NRXN3: variants seen among roughly 807,000 people sequenced by gnomAD.
NRXN3 encodes the protein neurexin III.
A neutral mutation model predicts 137.6 loss-of-function variants in NRXN3; 32 were observed. The observed-to-expected ratio is 0.23, with a 90% CI of 0.18 to 0.31. NRXN3 has a LOEUF of 0.31. NRXN3 is among the 10% of genes least tolerant of loss of function. The pLI is 1.00. For missense variants in NRXN3, 1,574 were observed against 2,062.5 expected (o/e 0.76, Z 4.59); for synonymous variants, 798 against 784.5 (o/e 1.02, Z -0.29).
At chr14:78,268,613 A>G (rs529456496) in intron 2 of NRXN3, among the ~76,000 whole-genome samples, 38 of 152,348 alleles carry the variant, frequency 2.5e-4, no homozygotes, top group Non-Finnish European at 4.0e-4. Flanking sequence ...GAAGTATGGT[A>G]CTGTGGGAAG....
intron 16 of NRXN3, among the ~76,000 whole-genome samples, chr14:79,524,505 TAAAG>T (rs1356238107): frequency 6.6e-6 from 1 of 152,096 alleles, no homozygotes. Context: ...TGATCGACAA[TAAAG>T]AAATCAAAGA....
intron 10 of NRXN3, among the ~76,000 whole-genome samples, chr14:78,917,360 T>C (rs925621727): frequency 3.3e-5 from 5 of 152,180 alleles, no homozygotes; most frequent in African/African-American, 1.2e-4. Context: ...TATTGGATAC[T>C]AGGGTTATTA....
At chr14:78,953,743 A>G (rs1174153259) in intron 10 of NRXN3, among the ~76,000 whole-genome samples, 2 of 147,808 alleles carry the variant, frequency 1.4e-5, no homozygotes, top group Admixed American at 6.6e-5. Flanking sequence ...CAGCCTCAAG[A>G]GAATCAAAGG....
intron 15 of NRXN3, among the ~76,000 whole-genome samples, chr14:79,084,579 G>T (rs1467178495): frequency 6.6e-6 from 1 of 151,942 alleles, no homozygotes; most frequent in Non-Finnish European, 1.5e-5. Flanking sequence ...ATCATCTATG[G>T]CTTCTTCATT....
In NRXN3 at chr14:79,051,651, A is replaced by C. The variant is rs2099642081; in HGVS notation, c.3262+63510A>C. Among the ~76,000 whole-genome samples the C allele has an allele frequency of 1.3e-5, 2 of 152,232 alleles. 1 individual carries two copies. Among genetic ancestry groups the C allele is most frequent in the South Asian group, 4.1e-4 (2 of 4,828 alleles). ...CCTTCATTTTTATGGAGCTGGCATC[A>C]AACTGATTTTAGAAAGAACTGGCCT... On this transcript the variant is annotated intron_variant, in intron 15 of 20. Transcript: ENST00000335750.
chr14:78,521,583 A>G (rs2096284540), intron 4 of NRXN3, among the ~76,000 whole-genome samples: 1 of 152,164 alleles, frequency 6.6e-6, no homozygotes, highest in Admixed American at 6.5e-5. Flanking sequence ...AGACTCTTGT[A>G]TTAATTATTT....
chr14:78,247,108 G>A (rs1038979969), intron 2 of NRXN3, among the ~76,000 whole-genome samples: 2 of 152,306 alleles, frequency 1.3e-5, no homozygotes, highest in Admixed American at 1.3e-4. Context: ...TGTTGGAGGC[G>A]CCTTCTGTGG....
chr14:78,768,685 C>T (rs950154986), intron 8 of NRXN3, among the ~76,000 whole-genome samples: 11 of 152,028 alleles, frequency 7.2e-5, no homozygotes, highest in Admixed American at 3.3e-4. Context: ...CTTAAAGGCC[C>T]GGCACAGTGC....
At chr14:78,175,906 G>A (rs2153335138) in intron 1 of NRXN3, among the ~76,000 whole-genome samples, 1 of 152,280 alleles carries the variant, frequency 6.6e-6, no homozygotes, top group Middle Eastern at 3.4e-3. Flanking sequence ...ATTATACGAT[G>A]ATATATTGAA....
chr14:78,379,684 A>G (rs564565597), intron 4 of NRXN3, among the ~76,000 whole-genome samples: 85 of 152,358 alleles, frequency 5.6e-4, no homozygotes, highest in Admixed American at 1.5e-3. Flanking sequence ...TTTTGCACTA[A>G]GATCATAAAG....
chr14:78,518,314 G>A (rs1171890859), intron 4 of NRXN3, among the ~76,000 whole-genome samples: 1 of 152,096 alleles, frequency 6.6e-6, no homozygotes, highest in Non-Finnish European at 1.5e-5. Context: ...TTTACATGGA[G>A]TCTCACCCAC....
At chr14:79,757,377 C>T (rs750213171) in intron 19 of NRXN3, among the ~76,000 whole-genome samples, 35 of 152,078 alleles carry the variant, frequency 2.3e-4, no homozygotes, top group Non-Finnish European at 4.7e-4. Flanking sequence ...ATGATGGTCC[C>T]GTCTTGCAGA....
At chr14:79,314,027 T>A (rs2087700747) in intron 15 of NRXN3, 1 of 152,370 alleles carries the variant, frequency 6.6e-6, no homozygotes, top group Non-Finnish European at 1.5e-5. Flanking sequence ...TTTTAGAGTT[T>A]CCAGTTTTTC....
chr14:78,465,152 G>C (rs895317314), intron 4 of NRXN3, among the ~76,000 whole-genome samples: 1 of 151,898 alleles, frequency 6.6e-6, no homozygotes, highest in African/African-American at 2.4e-5. Flanking sequence ...TTGGGCAGGA[G>C]AAGATACTAG....
intron 16 of NRXN3, among the ~76,000 whole-genome samples, chr14:79,547,005 A>G (rs2097327084): frequency 6.6e-6 from 1 of 152,128 alleles, no homozygotes. Flanking sequence ...TATTGATCAG[A>G]TAGTCCCCTA....
chr14:79,067,747 A>C (rs919279444), intron 15 of NRXN3, among the ~76,000 whole-genome samples: 4 of 152,046 alleles, frequency 2.6e-5, no homozygotes, highest in African/African-American at 9.7e-5. Context: ...CCTCATTTTA[A>C]CTTTGTTACC....
At chr14:79,539,400 C>G (rs954458208) in intron 16 of NRXN3, among the ~76,000 whole-genome samples, 2 of 152,182 alleles carry the variant, frequency 1.3e-5, no homozygotes, top group African/African-American at 4.8e-5. Context: ...TCTGTTGACT[C>G]TCAGAACCTC....
At chr14:78,295,134 A>G (rs2076189846) in intron 3 of NRXN3, among the ~76,000 whole-genome samples, 1 of 152,228 alleles carries the variant, frequency 6.6e-6, no homozygotes, top group South Asian at 2.1e-4. Context: ...TGTGCAAGAA[A>G]ATGTACTGAT....
rs141377821 is a variant in NRXN3, at chr14:79,017,194, C to T, written c.3262+29053C>T. 6.0e-4 allele frequency among the ~76,000 whole-genome samples: 89 copies of T among 149,226 alleles called. 1 individual carries two copies. The highest frequency in any genetic ancestry group is 2.1e-3 in the African/African-American group (85 of 40,496). ...CTATGAATTGAGTGGATCCAATGAC[C>T]ACTGCCCTCCTTGTGCAGATCGCCC... is the stretch of plus-strand genomic sequence containing the variant. On this transcript the variant is annotated intron_variant, in intron 15 of 20. Transcript: ENST00000335750.
Sources: allele counts gnomAD v4.1 joint callset (sites outside exome capture counted in the v4.1 genomes callset), GRCh38; gene constraint gnomAD v4.1.1; transcripts MANE v1.5; gene names NCBI Gene and HGNC (gene_info 2026-07-23, HGNC 2026-07-21).